Variants in C11orf65 observed in about 807,000 individuals in gnomAD.
C11orf65 encodes the protein protein MFI.
Under a neutral mutation model 35.3 loss-of-function variants are expected in C11orf65, and 38 were observed. That is an observed-to-expected ratio of 1.08 (90% CI 0.83 to 1.41). The LOEUF (loss-of-function observed/expected upper bound fraction) is 1.41, where lower values mean the gene tolerates loss of function less well. Among genes scored for constraint, C11orf65 ranks in the 40% most tolerant of loss-of-function variants. The probability of loss-of-function intolerance (pLI) is 0.00; values close to 1 mark genes in which losing one functional copy is unlikely to be tolerated. For missense variants in C11orf65, 370 were observed against 367.1 expected, an observed-to-expected ratio of 1.01 and a Z score of -0.06; for synonymous variants, 105 against 114.4, an observed-to-expected ratio of 0.92 and a Z score of 0.53.
At chr11:108,457,828 T>C (rs1286541388) in intron 2 of C11orf65, among the ~76,000 whole-genome samples, 1 of 152,192 alleles carries the variant, frequency 6.6e-6, no homozygotes, top group Non-Finnish European at 1.5e-5. Flanking sequence ...ACTATGCAAA[T>C]AATTCACTTC....
At chr11:108,386,996 G>A (rs1000450114) in intron 7 of C11orf65, among the ~76,000 whole-genome samples, 1 of 151,636 alleles carries the variant, frequency 6.6e-6, no homozygotes, top group Non-Finnish European at 1.5e-5. Flanking sequence ...CAGGAGAACG[G>A]CCTAAAACCT....
At position 108,331,877 on chromosome 11, in the gene C11orf65, A is replaced by C. The variant is rs587779866; in HGVS notation, c.300-310T>G. 17 of 1,613,150 alleles carry C rather than the reference A, an allele frequency of 1.1e-5. No homozygotes were observed. Among genetic ancestry groups the C allele is most frequent in the Non-Finnish European group, 1.4e-5 (17 of 1,179,372 alleles). On this transcript the variant is annotated intron_variant, in intron 3 of 3. Coordinates refer to the C11orf65 transcript ENST00000524755. ...ATAAATCTAATAGTTCTTTTCTTACAGCTAATCTCTAGAATTTCAATGGAT... is the reference window on the plus strand; with the variant it reads ...ATAAATCTAATAGTTCTTTTCTTACCGCTAATCTCTAGAATTTCAATGGAT...
chr11:108,411,890 G>A (rs565838508), intron 3 of C11orf65, among the ~76,000 whole-genome samples: 2 of 151,408 alleles, frequency 1.3e-5, no homozygotes, highest in East Asian at 1.9e-4. Flanking sequence ...AGGTTCAAGT[G>A]GTTCTCCTGC....
At chr11:108,395,500 G>A (rs954915019) in intron 6 of C11orf65, among the ~76,000 whole-genome samples, 9 of 151,130 alleles carry the variant, frequency 6.0e-5, no homozygotes, top group African/African-American at 2.2e-4. Context: ...TGTATTTTTA[G>A]TAGAGATGAG....
chr11:108,428,690 G>A (rs181561098), intron 3 of C11orf65, among the ~76,000 whole-genome samples: 7 of 152,224 alleles, frequency 4.6e-5, no homozygotes, highest in East Asian at 3.9e-4. Context: ...GAGGGATAGC[G>A]TTAGGAGAAA....
intron 2 of C11orf65, among the ~76,000 whole-genome samples, chr11:108,453,721 A>G (rs1014221345): frequency 7.2e-5 from 11 of 152,158 alleles, no homozygotes; most frequent in Non-Finnish European, 1.3e-4. Context: ...GCATTTATTG[A>G]TTTGTATATG....
chr11:108,419,606 G>A (rs868574036), intron 3 of C11orf65, among the ~76,000 whole-genome samples: 1 of 152,302 alleles, frequency 6.6e-6, no homozygotes, highest in African/African-American at 2.4e-5. Flanking sequence ...GGAGGCTGAG[G>A]TGGAAGGATC....
intron 3 of C11orf65, chr11:108,333,818 C>G (rs2086533102): frequency 8.0e-7 from 1 of 1,248,376 alleles, no homozygotes. Context: ...TATCTGCTGA[C>G]TATTCCTGCT....
At chr11:108,342,676 T>C (rs1334545665) in intron 2 of C11orf65, among the ~76,000 whole-genome samples, 1 of 152,208 alleles carries the variant, frequency 6.6e-6, no homozygotes, top group Non-Finnish European at 1.5e-5. Flanking sequence ...CTATACTTTA[T>C]GTATGTTTAT....
At chr11:108,427,716 C>T (rs1173187921) in intron 3 of C11orf65, among the ~76,000 whole-genome samples, 12 of 43,152 alleles carry the variant, frequency 2.8e-4, no homozygotes, top group South Asian at 1.3e-3. Context: ...AGCGAAACTC[C>T]GCCTCAAAAA....
chr11:108,330,146 C>A, downstream of C11orf65: 4 of 1,513,920 alleles, frequency 2.6e-6, no homozygotes, highest in Non-Finnish European at 3.6e-6. Context: ...TGTTGTATAT[C>A]ATGTGTGATT....
upstream of C11orf65, among the ~76,000 whole-genome samples, chr11:108,469,280 T>C (rs887683870): frequency 3.3e-5 from 5 of 151,794 alleles, no homozygotes; most frequent in Admixed American, 6.6e-5. Flanking sequence ...CACTGAATTG[T>C]ACAATTGAAA....
chr11:108,403,632 T>C (rs1204024602), intron 6 of C11orf65, among the ~76,000 whole-genome samples: 2 of 152,176 alleles, frequency 1.3e-5, no homozygotes, highest in Admixed American at 6.6e-5. Context: ...AGATGCTTTA[T>C]GGTTTTTGCT....
intron 6 of C11orf65, chr11:108,316,162 G>C: frequency 6.7e-7 from 1 of 1,491,958 alleles, no homozygotes; most frequent in Non-Finnish European, 9.3e-7. Flanking sequence ...GTAGTGCTGA[G>C]GTTATTTCAG....
In C11orf65 at chr11:108,345,220, A is replaced by G. The variant is rs577782686; in HGVS notation, c.227-9928T>C. 3.9e-5 allele frequency among the ~76,000 whole-genome samples: 6 copies of G among 152,320 alleles called. No individual in the cohort carries two copies. The South Asian group carries it at 1.2e-3, about 32-fold the overall frequency. Reference sequence around the variant, plus strand: ...CACATTAAGCTAAAGCTTAATAAAGATATCTGGGCCAAACAGATTTAGAAA... The same window carrying G: ...CACATTAAGCTAAAGCTTAATAAAGGTATCTGGGCCAAACAGATTTAGAAA... On this transcript the variant is annotated intron_variant, in intron 2 of 3. Coordinates refer to the C11orf65 transcript ENST00000524755.
At chr11:108,355,718 T>G (rs941055532) in intron 2 of C11orf65, 1 of 152,230 alleles carries the variant, frequency 6.6e-6, no homozygotes, top group Admixed American at 6.5e-5. Context: ...CAAACCAGGT[T>G]TCTAGAGATG....
At chr11:108,374,232 C>T (rs1204771979) in intron 2 of C11orf65, among the ~76,000 whole-genome samples, 1 of 152,234 alleles carries the variant, frequency 6.6e-6, no homozygotes, top group East Asian at 1.9e-4. Context: ...AACCGGGAGG[C>T]ACCCCCCAGT....
upstream of C11orf65, among the ~76,000 whole-genome samples, chr11:108,468,478 T>A (rs543073572): frequency 1.3e-5 from 2 of 152,386 alleles, no homozygotes; most frequent in Non-Finnish European, 2.9e-5. Context: ...AGTTTTGCTA[T>A]GTTCGTCCTA....
upstream of C11orf65, among the ~76,000 whole-genome samples, chr11:108,467,866 C>G (rs1203548489): frequency 6.6e-6 from 1 of 152,076 alleles, no homozygotes. Context: ...AATCTGTGGC[C>G]GAGGCTGGAG....
Sources: gnomAD v4.1 joint callset for allele counts (sites outside exome capture counted in the v4.1 genomes callset) on GRCh38, gnomAD v4.1.1 for gene constraint, MANE v1.5 for transcripts, NCBI Gene and HGNC (gene_info 2026-07-23, HGNC 2026-07-21) for gene names.